WNK1: variants seen among roughly 807,000 people sequenced by gnomAD.
WNK1 encodes the protein serine/threonine-protein kinase WNK1.
WNK1 carries 38 observed loss-of-function variants against 222.8 expected under a neutral mutation model. The ratio of observed to expected loss-of-function variants is 0.17; its 90% CI spans 0.13 to 0.22. The LOEUF is 0.22. WNK1 is among the 10% of genes least tolerant of loss of function. The pLI, the probability that WNK1 is intolerant of heterozygous loss-of-function variation, is 1.00. For synonymous variants in WNK1, 1,090 were observed against 1,092.9 expected (o/e 1.00, Z 0.05); for missense variants, 2,348 against 2,918.4 (o/e 0.80, Z 4.50).
intron 4 of WNK1, among the ~76,000 whole-genome samples, chr12:835,879 A>G (rs1282345859): frequency 6.6e-6 from 1 of 152,098 alleles, no homozygotes; most frequent in African/African-American, 2.4e-5. Context: ...ACTTGAACCC[A>G]GGAGACAGAA....
intron 1 of WNK1, among the ~76,000 whole-genome samples, chr12:756,950 A>G (rs1940137022): frequency 6.6e-6 from 1 of 152,214 alleles, no homozygotes; most frequent in South Asian, 2.1e-4. Context: ...GGAACCTGAA[A>G]TCATAGAGCA....
At chr12:774,659 T>C in intron 1 of WNK1, among the ~76,000 whole-genome samples, 1 of 152,204 alleles carries the variant, frequency 6.6e-6, no homozygotes, top group East Asian at 1.9e-4. Context: ...TTTCTATTCA[T>C]TGTAAGATTG....
At chr12:896,013 T>C (rs1803399062) in intron 23 of WNK1, 58 bp from the exon 24 acceptor site, 3 of 1,606,162 alleles carry the variant, frequency 1.9e-6, no homozygotes, top group Non-Finnish European at 2.6e-6. Context: ...TTAAATTGTC[T>C]GTGATAGAAA....
rs1161868059 is a variant in WNK1, at chr12:908,822, G to A, written c.*30G>A. 1.2e-6 allele frequency: 2 copies of A among 1,604,060 alleles called. No homozygotes were observed. Among genetic ancestry groups the A allele is most frequent in the South Asian group, 2.2e-5 (2 of 90,638 alleles). ...AGAGACATTAACTGAATAGATCTGG[G>A]GGCAGGAGATGGAATGCTGAGGGGG... On this transcript the variant is annotated 3_prime_UTR_variant, in exon 28 of 28. Transcript: ENST00000315939.
chr12:844,444 G>A (rs1487636969), intron 4 of WNK1, among the ~76,000 whole-genome samples: 1 of 152,036 alleles, frequency 6.6e-6, no homozygotes, highest in African/African-American at 2.4e-5. Context: ...CCTGGTTGTT[G>A]CTTTTTAAAA....
At chr12:854,053 A>T (rs115076807) in intron 4 of WNK1, among the ~76,000 whole-genome samples, 1,781 of 151,832 alleles carry the variant, frequency 0.012, 38 homozygotes, top group African/African-American at 0.041. Context: ...ACCTGGCCCT[A>T]GACTTTTAAA....
In WNK1 at chr12:857,098, A is replaced by C. The variant is rs924957255; in HGVS notation, c.1312-63A>C. On this transcript the variant is annotated intron_variant, in intron 4 of 27. Transcript: ENST00000315939. ...GGAACCTAAAAGAACCTTAATTGGAAATTTAAAAAACAAAGTTCAAAGGCC... is the reference window on the plus strand; with the variant it reads ...GGAACCTAAAAGAACCTTAATTGGACATTTAAAAAACAAAGTTCAAAGGCC... 4 of 1,549,568 alleles carry C rather than the reference A, an allele frequency of 2.6e-6. No individual in the cohort carries two copies. In the African/African-American group the frequency reaches 4.1e-5, roughly 16 times the overall value.
Position 861,331 on chromosome 12 carries a change from A to G in WNK1, c.1939A>G (p.Ile647Val). The G allele has an allele frequency of 1.2e-6, 2 of 1,614,060 alleles. No homozygotes were observed. Among genetic ancestry groups the G allele is most frequent in the South Asian group, 1.1e-5 (1 of 91,086 alleles). The change falls in exon 7 of 28, where the codon ATA (isoleucine) becomes GTA (valine). Residue 647 changes from isoleucine (I) to valine (V), a missense_variant. This residue lies in a region of WNK1 where 6 missense variants were observed against 26.4 expected (regional missense o/e 0.23). Coordinates refer to ENST00000315939, the MANE Select transcript of WNK1 (RefSeq NM_018979.4). ...HQQLQYQQPS[I>V]SVLSDGTVDS... ...ACAACTACAGTACCAGCAACCCAGT[A>G]TATCTGTGTTATGTACGTATCTTGG...
chr12:890,078 G>A (rs955901284), intron 21 of WNK1, among the ~76,000 whole-genome samples: 2 of 149,576 alleles, frequency 1.3e-5, no homozygotes, highest in South Asian at 2.1e-4. Flanking sequence ...TCAGCCTCCC[G>A]AGTAGCTGGG....
At chr12:789,288 G>A (rs1944616631) in intron 1 of WNK1, among the ~76,000 whole-genome samples, 2 of 152,122 alleles carry the variant, frequency 1.3e-5, no homozygotes, top group Non-Finnish European at 2.9e-5. Flanking sequence ...TTCCATTCTA[G>A]TGCTTCAGTG....
chr12:833,028 T>G (rs1948917918), intron 4 of WNK1, among the ~76,000 whole-genome samples: 1 of 151,490 alleles, frequency 6.6e-6, no homozygotes, highest in Admixed American at 6.6e-5. Context: ...TTTTTTTTCC[T>G]TTGAGCATAG....
At chr12:794,899 G>A (rs1305133778) in intron 1 of WNK1, among the ~76,000 whole-genome samples, 1 of 152,020 alleles carries the variant, frequency 6.6e-6, no homozygotes, top group Non-Finnish European at 1.5e-5. Flanking sequence ...CTATGGGTGC[G>A]TATCATCGTG....
Position 829,983 on chromosome 12 carries a change from A to C in WNK1, c.1154-20A>C. The C allele has an allele frequency of 6.2e-7, 1 of 1,613,862 alleles. No homozygotes were observed. ...GAAGCTTCTGCTCGCATTGAGTCTG[A>C]ATCGTTCTTTTAATTTAAGGTACCC... On this transcript the variant is annotated intron_variant, in intron 3 of 27. Coordinates refer to ENST00000315939, the MANE Select transcript of WNK1 (RefSeq NM_018979.4).
intron 4 of WNK1, chr12:851,826 CT>C (rs759704905): frequency 9.5e-6 from 12 of 1,258,864 alleles, no homozygotes; most frequent in South Asian, 2.7e-5. Context: ...ATATTGTAGC[CT>C]TTTTGGTGAT....
chr12:834,990 A>G (rs1053594388), intron 4 of WNK1, among the ~76,000 whole-genome samples: 3 of 152,218 alleles, frequency 2.0e-5, no homozygotes, highest in African/African-American at 7.2e-5. Context: ...GGAAAAGGGC[A>G]AATTTTTACC....
At chr12:850,020 A>G (rs953809663) in intron 4 of WNK1, among the ~76,000 whole-genome samples, 6 of 152,244 alleles carry the variant, frequency 3.9e-5, no homozygotes, top group Non-Finnish European at 2.9e-5. Flanking sequence ...TACTGCCACA[A>G]TAAACATACA....
chr12:781,854 T>TC (rs2153968518), intron 1 of WNK1, among the ~76,000 whole-genome samples: 1 of 152,288 alleles, frequency 6.6e-6, no homozygotes, highest in African/African-American at 2.4e-5. Context: ...TTCCCAGTCT[T>TC]CTCTAGTTCT....
rs752063280 is a variant in WNK1 at position 882,995 on chromosome 12, G to A, written c.3425G>A (p.Arg1142Lys). ...VVECQLETHN[R>K]KMVTFKFDLD... ...GAATGTCAATTAGAGACTCATAATA[G>A]GAAAATGGTTACATTCAAATTTGAC... The change falls in exon 15 of 28, where the codon AGG becomes AAG. Residue 1142 changes from arginine (R) to lysine (K), a missense_variant. Around this residue, in one of 13 missense-constraint regions of WNK1, gnomAD observed 20 missense variants for 65.0 expected, o/e 0.31. Transcript: ENST00000315939. The A allele has an allele frequency of 2.5e-6, 4 of 1,613,864 alleles. No homozygotes were observed. Among genetic ancestry groups the A allele is most frequent in the South Asian group, 1.1e-5 (1 of 91,078 alleles).
rs2154061862 is a variant in WNK1, at chr12:857,166, G to A, written c.1317G>A (p.Val439=). The A allele has an allele frequency of 1.2e-6, 2 of 1,614,174 alleles. No homozygotes were observed. Among genetic ancestry groups the A allele is most frequent in the South Asian group, 2.2e-5 (2 of 91,082 alleles). The change falls in exon 5 of 28, where the codon GTG becomes GTA. Residue 439 remains valine (V), a synonymous_variant. Coordinates refer to ENST00000315939, the MANE Select transcript of WNK1 (RefSeq NM_018979.4). ...AQIYRRVTSG[V]KPASFDKVAI... ...TTTCTGTTTATGGTTTTCAGGGGGT[G>A]AAGCCAGCCAGTTTTGACAAAGTAG...
Sources: gnomAD v4.1 joint callset for allele counts (sites outside exome capture counted in the v4.1 genomes callset) on GRCh38, gnomAD v4.1.1 for gene constraint, gnomAD v4.1.1 regional missense constraint, MANE v1.5 for transcripts, NCBI Gene and HGNC (gene_info 2026-07-23, HGNC 2026-07-21) for gene names.